CLIC5: variants seen among roughly 807,000 people sequenced by gnomAD.
CLIC5 encodes the protein CLIC family member 5, also known as chloride intracellular channel protein 5.
CLIC5 carries 20 observed loss-of-function variants against 24.7 expected under a neutral mutation model. The observed-to-expected ratio is 0.81, with a 90% confidence interval of 0.57 to 1.18. The LOEUF is 1.18. Among genes scored for constraint, CLIC5 ranks in the 50% most tolerant of loss-of-function variants. CLIC5 has a pLI of 0.00. For synonymous variants in CLIC5, 159 were observed against 135.6 expected (o/e 1.17, Z -1.20); for missense variants, 341 against 326.1 (o/e 1.05, Z -0.35).
At chr6:46,065,961 A>C (rs1259251809) in intron 1 of CLIC5, among the ~76,000 whole-genome samples, 4 of 152,242 alleles carry the variant, frequency 2.6e-5, no homozygotes, top group South Asian at 2.1e-4. Context: ...ATACTAGGGC[A>C]TATGGTATAA....
chr6:45,954,342 G>A (rs1764572067), intron 2 of CLIC5, among the ~76,000 whole-genome samples: 1 of 151,526 alleles, frequency 6.6e-6, no homozygotes. Flanking sequence ...GCTCAACTCA[G>A]AGGAAAAGGA....
intron 1 of CLIC5, 63 bp downstream of exon 1, chr6:46,015,417 C>G (rs1766964949): frequency 4.8e-6 from 7 of 1,443,808 alleles, no homozygotes; most frequent in Non-Finnish European, 6.5e-6. Context: ...GCACCCCGAG[C>G]CCTGGTGGGT....
chr6:46,005,631 C>A (rs888326122), intron 1 of CLIC5, among the ~76,000 whole-genome samples: 2 of 152,056 alleles, frequency 1.3e-5, no homozygotes, highest in African/African-American at 2.4e-5. Context: ...ATGTTTGTGT[C>A]CCCCCAGAAT....
upstream of CLIC5, among the ~76,000 whole-genome samples, chr6:46,016,845 T>C (rs1302250113): frequency 6.6e-6 from 1 of 152,256 alleles, no homozygotes; most frequent in Non-Finnish European, 1.5e-5. Context: ...GGTGTCTGGC[T>C]TCTTTCGCTC....
At chr6:46,111,087 C>T in the CLIC5 span, among the ~76,000 whole-genome samples, 1 of 151,792 alleles carries the variant, frequency 6.6e-6, no homozygotes, top group African/African-American at 2.4e-5. Context: ...TGGGCTGAAC[C>T]CTTAATTCTT....
chr6:45,923,609 G>C (rs1238353351), intron 4 of CLIC5, among the ~76,000 whole-genome samples: 1 of 152,206 alleles, frequency 6.6e-6, no homozygotes, highest in African/African-American at 2.4e-5. Flanking sequence ...GGCCAACTTT[G>C]TGCCCCTTTC....
At chr6:46,090,067 CA>C in the CLIC5 span, among the ~76,000 whole-genome samples, 1 of 152,196 alleles carries the variant, frequency 6.6e-6, no homozygotes, top group East Asian at 1.9e-4. Context: ...AATTTGCTTC[CA>C]TTACTTAAAA....
At chr6:46,045,598 G>A (rs917824389) in intron 1 of CLIC5, among the ~76,000 whole-genome samples, 4 of 152,174 alleles carry the variant, frequency 2.6e-5, no homozygotes, top group Middle Eastern at 6.4e-3. Flanking sequence ...CTTAGTGTCT[G>A]TGTATCTATG....
At chr6:46,063,784 C>T (rs1392320877) in intron 1 of CLIC5, among the ~76,000 whole-genome samples, 1 of 152,168 alleles carries the variant, frequency 6.6e-6, no homozygotes, top group East Asian at 1.9e-4. Context: ...CCTCGGAAGG[C>T]CATTGCTTCG....
At chr6:45,969,738 C>T (rs1473121300) in intron 1 of CLIC5, among the ~76,000 whole-genome samples, 1 of 149,248 alleles carries the variant, frequency 6.7e-6, no homozygotes, top group Non-Finnish European at 1.5e-5. Flanking sequence ...CTGCTGAAGA[C>T]AGAGGAAGAA....
chr6:45,990,078 C>G (rs1047018254), intron 1 of CLIC5, among the ~76,000 whole-genome samples: 2 of 152,184 alleles, frequency 1.3e-5, no homozygotes, highest in African/African-American at 4.8e-5. Flanking sequence ...AAACTCTTCT[C>G]CTCATCTGGA....
At chr6:46,047,865 T>C (rs1368473495) in intron 1 of CLIC5, among the ~76,000 whole-genome samples, 3 of 152,200 alleles carry the variant, frequency 2.0e-5, no homozygotes, top group African/African-American at 7.2e-5. Flanking sequence ...GTATTACAGG[T>C]ATATGTTATC....
chr6:46,062,223 AC>A lies in CLIC5; in HGVS notation c.540+17479del, dbSNP rs1430673607. Reference sequence around the variant, plus strand: ...CTATTGTAAATATAAAAGATTACTCACCATATTCTTTCCTTTCTTGCCACCA... The same window carrying A: ...CTATTGTAAATATAAAAGATTACTCACATATTCTTTCCTTTCTTGCCACCA... On this transcript the variant is annotated intron_variant, in intron 1 of 5. Transcript: ENST00000185206. Among the ~76,000 whole-genome samples the A allele has an allele frequency of 5.3e-5, 8 of 152,356 alleles. No homozygotes were observed. In the East Asian group the frequency reaches 1.5e-3, roughly 29 times the overall value.
At position 46,015,525 on chromosome 6, in the gene CLIC5, TG is replaced by T. The variant is rs1010620311; in HGVS notation, c.17del (p.Thr6LysfsTer15). MTDSA[T>X]ANGDDRDPEI... ...CGGGGTCCCTGTCGTCCCCGTTAGC[TG>T]TCGCCGAGTCTGTCATGCCGTTGGC... On this transcript the variant is annotated frameshift_variant, in exon 1 of 6. Coordinates refer to ENST00000339561, the MANE Select transcript of CLIC5 (RefSeq NM_016929.5). LOFTEE classifies it high-confidence loss of function. The T allele has an allele frequency of 1.3e-6, 2 of 1,578,466 alleles. No individual in the cohort carries two copies. Among genetic ancestry groups the T allele is most frequent in the African/African-American group, 1.4e-5 (1 of 72,970 alleles).
At chr6:45,912,111 TG>T in intron 5 of CLIC5, 2 of 986,226 alleles carry the variant, frequency 2.0e-6, no homozygotes, top group Non-Finnish European at 2.4e-6. Context: ...CTCTTTCATA[TG>T]AAAACAGTTA....
chr6:46,047,387 T>C (rs1432401562), intron 1 of CLIC5, among the ~76,000 whole-genome samples: 1 of 152,188 alleles, frequency 6.6e-6, no homozygotes, highest in African/African-American at 2.4e-5. Context: ...CATGTCACAA[T>C]ATAAATGTAT....
chr6:46,004,150 A>G (rs542471559), intron 1 of CLIC5, among the ~76,000 whole-genome samples: 1 of 152,296 alleles, frequency 6.6e-6, no homozygotes, highest in Admixed American at 6.5e-5. Context: ...CATACAGGAG[A>G]AGGTTCTTCT....
At chr6:46,086,680 C>A in the CLIC5 span, among the ~76,000 whole-genome samples, 1 of 152,160 alleles carries the variant, frequency 6.6e-6, no homozygotes, top group Non-Finnish European at 1.5e-5. Context: ...ATTTAAATTC[C>A]AGCTGGATTC....
chr6:46,043,415 G>T (rs888380697), intron 1 of CLIC5, among the ~76,000 whole-genome samples: 3 of 152,206 alleles, frequency 2.0e-5, no homozygotes, highest in Admixed American at 2.0e-4. Flanking sequence ...TATGCACCAT[G>T]TTCTCAAATA....
Sources: gnomAD v4.1 joint callset for allele counts (sites outside exome capture counted in the v4.1 genomes callset) on GRCh38, gnomAD v4.1.1 for gene constraint, MANE v1.5 for transcripts, NCBI Gene and HGNC (gene_info 2026-07-23, HGNC 2026-07-21) for gene names.